Variants in TMEM130 observed in about 807,000 individuals in gnomAD.
The protein encoded by TMEM130 is transmembrane protein 130.
Under a neutral mutation model 42.9 loss-of-function variants are expected in TMEM130, and 37 were observed. That is an observed-to-expected ratio of 0.86 (90% CI 0.66 to 1.13). The LOEUF (loss-of-function observed/expected upper bound fraction) is 1.13, where lower values mean the gene tolerates loss of function less well. Ranked by LOEUF, TMEM130 falls within the 50% of genes most tolerant of loss-of-function variation. TMEM130 has a pLI of 0.00. For synonymous variants in TMEM130, 259 were observed against 237.7 expected (o/e 1.09, Z -0.82); for missense variants, 545 against 562.6 (o/e 0.97, Z 0.32).
intron 3 of TMEM130, among the ~76,000 whole-genome samples, chr7:98,858,562 T>C (rs529303643): frequency 6.7e-6 from 1 of 148,948 alleles, no homozygotes; most frequent in Admixed American, 6.7e-5. Context: ...GGGCGGGGGG[T>C]GAGGAAAGCC....
chr7:98,857,090 T>G (rs909813970), intron 3 of TMEM130, among the ~76,000 whole-genome samples: 1 of 151,870 alleles, frequency 6.6e-6, no homozygotes, highest in Non-Finnish European at 1.5e-5. Context: ...CCTGGCTAAT[T>G]TTTGTATTCT....
At chr7:98,856,323 T>C in intron 3 of TMEM130, 140 bp from the exon 4 acceptor site, 1 of 810,896 alleles carries the variant, frequency 1.2e-6, no homozygotes. Context: ...TGAGCACACC[T>C]GTCATCACAG....
Position 98,855,190 on chromosome 7 carries a change from G to T in TMEM130, c.803+50C>A, listed in dbSNP as rs1584236953. 8 of 1,522,278 alleles carry T rather than the reference G, an allele frequency of 5.3e-6. No individual in the cohort carries two copies. The East Asian group carries it at 9.1e-5, about 17-fold the overall frequency. 94.3% of individuals were successfully genotyped at this position (1,522,278 alleles called of 1,614,324 possible). A position where few individuals can be genotyped will look rare whatever the true frequency, so the allele number is the denominator to read the frequency against. ...CAGACTTGGGGTCATCGTGAAGGGG[G>T]ATGTGCAGAGCCCACGGGGCACCCC... is the stretch of plus-strand genomic sequence containing the variant. On this transcript the variant is annotated intron_variant, in intron 5 of 7. Transcript: ENST00000339375.
rs374625678 is a variant in TMEM130, at chr7:98,855,221, C to A, written c.803+19G>T. The A allele has an allele frequency of 4.4e-6, 7 of 1,604,904 alleles. No individual in the cohort carries two copies. The Admixed American group carries it at 8.4e-5, about 19-fold the overall frequency. On this transcript the variant is annotated intron_variant, in intron 5 of 7. Coordinates refer to ENST00000339375, the MANE Select transcript of TMEM130 (RefSeq NM_152913.3). ...CAGAGCCCACGGGGCACCCCCAGTG[C>A]GCTCTGGAGCTCACTTACCTCCCCA...
chr7:98,863,855 CTTCT>C (rs1347697641), intron 1 of TMEM130, among the ~76,000 whole-genome samples: 3 of 138,246 alleles, frequency 2.2e-5, no homozygotes, highest in Non-Finnish European at 3.1e-5. Context: ...TTTCTTCTTC[CTTCT>C]TTCTTTCTTC....
Position 98,869,904 on chromosome 7 carries a change from G to T in TMEM130, c.-43C>A. ...GAGAAGCGTGGGGCGGACGCGGAGG[G>T]AATGCAGCTGGAGCTCGAGAACTGC... is the stretch of plus-strand genomic sequence containing the variant. On this transcript the variant is annotated 5_prime_UTR_variant, in exon 1 of 8. Transcript: ENST00000339375. The surrounding 1 kb of genome is among the most constrained non-coding windows in gnomAD (Gnocchi z 4.7). The T allele has an allele frequency of 7.8e-7, 1 of 1,274,156 alleles. No homozygotes were observed. Among genetic ancestry groups the T allele is most frequent in the Non-Finnish European group, 1.0e-6 (1 of 998,638 alleles). 78.9% of individuals were successfully genotyped at this position (1,274,156 alleles called of 1,614,324 possible). A position where few individuals can be genotyped will look rare whatever the true frequency, so the allele number is the denominator to read the frequency against.
intron 1 of TMEM130, among the ~76,000 whole-genome samples, chr7:98,864,476 C>T (rs1554400381): frequency 6.6e-6 from 1 of 150,964 alleles, no homozygotes; most frequent in South Asian, 2.1e-4. Context: ...CTTAGCCTCC[C>T]AAAGTGCTGG....
rs1205376483 is a variant in TMEM130 at position 98,863,641 on chromosome 7, CCTT to C, written c.86-244_86-242del. Among the ~76,000 whole-genome samples the C allele has an allele frequency of 4.7e-5, 7 of 147,554 alleles. No homozygotes were observed. The East Asian group carries it at 1.0e-3, about 21-fold the overall frequency. The stretch of plus-strand genomic sequence containing the variant: ...TCCTTCCTTCCCTCCCTCCCTCCCT[CCTT>C]CTTCCTTCCCTCCTTCCTCCTTCCC... On this transcript the variant is annotated intron_variant, in intron 1 of 7. Coordinates refer to ENST00000339375, the MANE Select transcript of TMEM130 (RefSeq NM_152913.3).
chr7:98,860,672 C>T (rs983855341), intron 2 of TMEM130, among the ~76,000 whole-genome samples: 1 of 152,034 alleles, frequency 6.6e-6, no homozygotes, highest in African/African-American at 2.4e-5. Context: ...TGGCTGGGTG[C>T]GGTGGCTCAC....
intron 7 of TMEM130, 129 bp downstream of exon 7, chr7:98,848,454 C>G (rs7792989): frequency 1.3e-6 from 1 of 797,116 alleles, no homozygotes; most frequent in Non-Finnish European, 2.1e-6. Context: ...GCACATCACC[C>G]CAAGTCCCGG....
At chr7:98,860,083 AATT>A in intron 3 of TMEM130, 93 bp downstream of exon 3, 1 of 1,204,512 alleles carries the variant, frequency 8.3e-7, no homozygotes, top group Non-Finnish European at 1.1e-6. Context: ...AAAAAAAAAA[AATT>A]AAAGGTGAAG....
intron 3 of TMEM130, 86 bp from the exon 4 acceptor site, chr7:98,856,269 G>A: frequency 7.3e-7 from 1 of 1,375,286 alleles, no homozygotes; most frequent in African/African-American, 1.4e-5. Context: ...CATGGGACTT[G>A]CCAGAGTCAG....
chr7:98,853,895 A>T (rs982213171), intron 5 of TMEM130, among the ~76,000 whole-genome samples: 16 of 152,318 alleles, frequency 1.1e-4, no homozygotes, highest in African/African-American at 3.6e-4. Flanking sequence ...AATCCTTGGA[A>T]ATCTTGTCTA....
At chr7:98,857,022 A>G (rs1554399115) in intron 3 of TMEM130, among the ~76,000 whole-genome samples, 2 of 151,968 alleles carry the variant, frequency 1.3e-5, no homozygotes, top group African/African-American at 4.8e-5. Context: ...CTTAGGCTCA[A>G]GCAGTCCTCC....
At position 98,869,694 on chromosome 7, in the gene TMEM130, C is replaced by A. The variant is rs1794987684; in HGVS notation, c.85+83G>T. Reference sequence around the variant, plus strand: ...CGGTGCCACCTCCGCAATCCCTGCTCCCGGGCCCACTCGCCCGCTGAGACG... The same window carrying A: ...CGGTGCCACCTCCGCAATCCCTGCTACCGGGCCCACTCGCCCGCTGAGACG... On this transcript the variant is annotated intron_variant, in intron 1 of 7. Coordinates refer to ENST00000339375, the MANE Select transcript of TMEM130 (RefSeq NM_152913.3). This position sits in a 1 kb window ranked among gnomAD's most constrained non-coding sequence, Gnocchi z 4.7. The A allele has an allele frequency of 9.3e-7, 1 of 1,069,938 alleles. No individual in the cohort carries two copies. Among genetic ancestry groups the A allele is most frequent in the South Asian group, 2.5e-5 (1 of 39,806 alleles). 66.3% of individuals were successfully genotyped at this position (1,069,938 alleles called of 1,614,324 possible).
chr7:98,851,615 A>G lies in TMEM130; in HGVS notation c.812T>C (p.Leu271Pro), dbSNP rs534668140. Residue 271 changes from leucine (L) to proline (P), a missense_variant, in exon 6 of 8, where the codon CTG (leucine) becomes CCG (proline). Physicochemically the swap from Leu to Pro is moderately conservative, Grantham distance 98. Coordinates refer to ENST00000339375, the MANE Select transcript of TMEM130 (RefSeq NM_152913.3). ...AGGCTTGAGACGCCAGCACACAGTC[A>G]GAGGAGGGCTGCAGGGAAATGGGGG... ...VTLNFLGSPPLTVCWRLKPEC... is the reference protein window; with the variant it reads ...VTLNFLGSPPPTVCWRLKPEC... 173 of 1,610,562 alleles carry G rather than the reference A, an allele frequency of 1.1e-4. 1 individual carries two copies. In the South Asian group the frequency reaches 1.8e-3, roughly 17 times the overall value.
At position 98,860,154 on chromosome 7, in the gene TMEM130, G is replaced by A. The variant is rs1215023408; in HGVS notation, c.551+25C>T. ...AGTGGGGCACCAGTGACAGCTGTAG[G>A]GCCTGCAGAGGGGTAAGGACCTACC... On this transcript the variant is annotated intron_variant, in intron 3 of 7. Transcript: ENST00000339375. The A allele has an allele frequency of 2.5e-6, 4 of 1,605,814 alleles. No homozygotes were observed. In the East Asian group the frequency reaches 6.7e-5, roughly 27 times the overall value.
chr7:98,850,273 A>ATATATATATATATTTTTTTTTTT, intron 6 of TMEM130, among the ~76,000 whole-genome samples: 1 of 35,466 alleles, frequency 2.8e-5, no homozygotes, highest in South Asian at 1.1e-3. Flanking sequence ...ATATATATAT[A>ATATATATATATATTTTTTTTTTT]TTTTTTTTTT....
rs76868477 is a variant in TMEM130 at position 98,855,886 on chromosome 7, T to C, written c.718+131A>G. The C allele has an allele frequency of 4.3e-3, 4,634 of 1,080,750 alleles. 240 individuals carry two copies. In the Admixed American group the frequency reaches 0.091, roughly 21 times the overall value. The allele number at this position is 1,080,750 out of a possible 1,614,324, so 66.9% of individuals were successfully genotyped here. A position where few individuals can be genotyped will look rare whatever the true frequency, so the allele number is the denominator to read the frequency against. On this transcript the variant is annotated intron_variant, in intron 4 of 7. Transcript: ENST00000339375. ...GCTCTGTCTGAAGCAGGGTTAATGA[T>C]AGACGCTCCTCAGAGGTCTGTGGGG...
Sources: gnomAD v4.1 joint callset for allele counts (sites outside exome capture counted in the v4.1 genomes callset) on GRCh38, gnomAD v4.1.1 for gene constraint, Gnocchi (gnomAD v3.1) non-coding constraint, MANE v1.5 for transcripts, NCBI Gene and HGNC (gene_info 2026-07-23, HGNC 2026-07-21) for gene names.